WASF1: variants seen among roughly 807,000 people sequenced by gnomAD.
The protein encoded by WASF1 is actin-binding protein WASF1.
Under a neutral mutation model 50.5 loss-of-function variants are expected in WASF1, and 7 were observed. That is an observed-to-expected ratio of 0.14 (90% CI 0.08 to 0.26). The LOEUF (loss-of-function observed/expected upper bound fraction) is 0.26. Ranked by LOEUF, WASF1 falls within the 10% of genes least tolerant of loss-of-function variation. The pLI, the probability that WASF1 is intolerant of heterozygous loss-of-function variation, is 1.00. For synonymous variants in WASF1, 205 were observed against 244.0 expected (o/e 0.84, Z 1.49); for missense variants, 470 against 694.7 (o/e 0.68, Z 3.64).
At chr6:110,161,126 T>C (rs979622929) in intron 2 of WASF1, among the ~76,000 whole-genome samples, 4 of 151,624 alleles carry the variant, frequency 2.6e-5, no homozygotes, top group African/African-American at 9.7e-5. Flanking sequence ...CTCTAACTTC[T>C]AAGTTCAGAA....
In WASF1 at chr6:110,169,539, T is replaced by A. The variant is rs562701523; in HGVS notation, c.-126-8807A>T. ...AAGGACACAATACAGCCATTTTCAT[T>A]CAACTCCTTTGATGGTACACAAATC... On this transcript the variant is annotated intron_variant, in intron 2 of 10. Transcript: ENST00000392589. Among the ~76,000 whole-genome samples, 4 of 152,276 alleles carry A rather than the reference T, an allele frequency of 2.6e-5. No homozygotes were observed. The South Asian group carries it at 8.3e-4, about 32-fold the overall frequency.
In WASF1 at chr6:110,179,503, C is replaced by G. The variant is rs1485620208; in HGVS notation, c.-336G>C. On this transcript the variant is annotated 5_prime_UTR_variant, in exon 1 of 11. Coordinates refer to ENST00000392589, the MANE Select transcript of WASF1 (RefSeq NM_003931.3). ...GCTTCGGCAGCGGTCGCCGGTCCCC[C>G]TCGGCTCGCGGGACTCCGCCTAGAG... The G allele has an allele frequency of 6.6e-6, 1 of 152,168 alleles. No individual in the cohort carries two copies. The highest frequency in any genetic ancestry group is 6.5e-5 in the Admixed American group (1 of 15,284). 9.4% of individuals were successfully genotyped at this position (152,168 alleles called of 1,614,324 possible). A position where few individuals can be genotyped will look rare whatever the true frequency, so the allele number is the denominator to read the frequency against.
intron 7 of WASF1, 47 bp downstream of exon 7, chr6:110,107,029 AC>A: frequency 7.4e-7 from 1 of 1,351,920 alleles, no homozygotes; most frequent in Non-Finnish European, 1.0e-6. Context: ...ATGCAACAAA[AC>A]ACAAATATAC....
intron 4 of WASF1, among the ~76,000 whole-genome samples, chr6:110,119,942 CAT>C (rs540182214): frequency 2.9e-3 from 439 of 152,290 alleles, no homozygotes; most frequent in Non-Finnish European, 4.6e-3. Flanking sequence ...ACAAAAACCA[CAT>C]GATTTTCTCA....
intron 4 of WASF1, among the ~76,000 whole-genome samples, chr6:110,114,796 T>C (rs575251786): frequency 6.6e-6 from 1 of 151,086 alleles, no homozygotes; most frequent in East Asian, 2.0e-4. Context: ...TGTATGCTGC[T>C]TGAAAAAAAA....
At chr6:110,149,051 T>C (rs1390455837) in intron 3 of WASF1, among the ~76,000 whole-genome samples, 2 of 152,188 alleles carry the variant, frequency 1.3e-5, no homozygotes, top group African/African-American at 2.4e-5. Flanking sequence ...AAAAGACTTA[T>C]GACTAACTCT....
chr6:110,150,975 T>C (rs193047840), intron 3 of WASF1, among the ~76,000 whole-genome samples: 276 of 152,316 alleles, frequency 1.8e-3, no homozygotes, highest in Non-Finnish European at 3.2e-3. Context: ...AGGCGAAGGT[T>C]GCAGTGAACT....
intron 8 of WASF1, 58 bp from the exon 9 acceptor site, chr6:110,103,615 C>G: frequency 7.1e-7 from 1 of 1,411,730 alleles, no homozygotes; most frequent in South Asian, 1.5e-5. Flanking sequence ...GGAAAGGGTT[C>G]TACATGAGAT....
chr6:110,100,699 C>G lies in WASF1; in HGVS notation c.1523-20G>C. 2.5e-6 allele frequency: 4 copies of G among 1,579,286 alleles called. No individual in the cohort carries two copies. The highest frequency in any genetic ancestry group is 3.4e-4 in the Middle Eastern group (2 of 5,926). ...GAATACCTGATACAGTGAATCCAAA[C>G]CATTCATTTAAATCAAAATACTAGA... On this transcript the variant is annotated intron_variant, in intron 10 of 10. Transcript: ENST00000392589.
chr6:110,161,878 A>C (rs762385067), intron 2 of WASF1, among the ~76,000 whole-genome samples: 14 of 151,666 alleles, frequency 9.2e-5, no homozygotes, highest in Non-Finnish European at 1.5e-4. Context: ...ATCCCTATAG[A>C]AAGTATTCAA....
chr6:110,171,610 C>G (rs1776718135), intron 2 of WASF1, among the ~76,000 whole-genome samples: 1 of 152,078 alleles, frequency 6.6e-6, no homozygotes, highest in Non-Finnish European at 1.5e-5. Flanking sequence ...CCATTCAGGA[C>G]ACGGGCATGG....
intron 3 of WASF1, among the ~76,000 whole-genome samples, chr6:110,143,394 A>T (rs1367850306): frequency 6.6e-6 from 1 of 151,926 alleles, no homozygotes; most frequent in Non-Finnish European, 1.5e-5. Flanking sequence ...ACTCTCTGTT[A>T]AAGAATGCCT....
intron 4 of WASF1, 111 bp downstream of exon 4, chr6:110,127,357 TG>T: frequency 1.1e-6 from 1 of 899,662 alleles, no homozygotes; most frequent in Non-Finnish European, 1.5e-6. Flanking sequence ...AGGATAATTT[TG>T]TACTCTTCTC....
intron 3 of WASF1, among the ~76,000 whole-genome samples, chr6:110,140,583 G>C (rs555490808): frequency 2.6e-5 from 4 of 152,156 alleles, no homozygotes; most frequent in Admixed American, 1.3e-4. Context: ...GATAGTGTCA[G>C]AATTGAATTG....
chr6:110,135,576 G>A (rs536080785), intron 3 of WASF1, among the ~76,000 whole-genome samples: 1 of 152,046 alleles, frequency 6.6e-6, no homozygotes, highest in East Asian at 1.9e-4. Flanking sequence ...TATGTGGTAG[G>A]GAGAATAATG....
intron 3 of WASF1, among the ~76,000 whole-genome samples, chr6:110,159,559 T>G (rs1452711511): frequency 6.6e-6 from 1 of 151,908 alleles, no homozygotes; most frequent in Non-Finnish European, 1.5e-5. Flanking sequence ...TGGAGCCTAA[T>G]GCCGGGCTAT....
intron 5 of WASF1, among the ~76,000 whole-genome samples, chr6:110,109,959 C>A (rs574809757): frequency 6.6e-6 from 1 of 152,228 alleles, no homozygotes; most frequent in Admixed American, 6.5e-5. Flanking sequence ...ACAGAAGGTA[C>A]AATAGGCTGG....
At chr6:110,149,125 G>C (rs1775709611) in intron 3 of WASF1, among the ~76,000 whole-genome samples, 1 of 152,164 alleles carries the variant, frequency 6.6e-6, no homozygotes, top group African/African-American at 2.4e-5. Flanking sequence ...TTTGGGACAG[G>C]GGTAGTGGGA....
intron 2 of WASF1, among the ~76,000 whole-genome samples, chr6:110,170,972 A>G (rs1256764950): frequency 6.6e-6 from 1 of 152,202 alleles, no homozygotes; most frequent in Non-Finnish European, 1.5e-5. Context: ...AAGGGGAAAC[A>G]TGAACTCATG....
Sources: gnomAD v4.1 joint callset for allele counts (sites outside exome capture counted in the v4.1 genomes callset) on GRCh38, gnomAD v4.1.1 for gene constraint, MANE v1.5 for transcripts, NCBI Gene and HGNC (gene_info 2026-07-23, HGNC 2026-07-21) for gene names.